Variants in SLC24A3 observed in about 807,000 individuals in gnomAD.
SLC24A3 encodes the protein solute carrier family 24 member 3.
In SLC24A3, 28 loss-of-function variants were observed where a neutral mutation model predicts 75.8. The ratio of observed to expected loss-of-function variants is 0.37; its 90% confidence interval spans 0.27 to 0.51. The LOEUF is 0.51. Among genes scored for constraint, SLC24A3 ranks in the 20% least tolerant of loss-of-function variants. SLC24A3 has a pLI of 0.94. For missense variants in SLC24A3, 663 were observed against 847.8 expected, an observed-to-expected ratio of 0.78 and a Z score of 2.71; for synonymous variants, 372 against 334.1, an observed-to-expected ratio of 1.11 and a Z score of -1.24.
At chr20:19,696,585 T>C in intron 13 of SLC24A3, 1 of 451,000 alleles carries the variant, frequency 2.2e-6, no homozygotes, top group Admixed American at 3.6e-5. Context: ...TGTTGGAAAG[T>C]TTGGGTCCTA....
chr20:19,637,535 T>C (rs2032016040), intron 6 of SLC24A3, among the ~76,000 whole-genome samples: 1 of 152,208 alleles, frequency 6.6e-6, no homozygotes, highest in African/African-American at 2.4e-5. Flanking sequence ...CATACAAAAA[T>C]ATTATGTTCC....
intron 12 of SLC24A3, among the ~76,000 whole-genome samples, chr20:19,691,017 C>A (rs568975291): frequency 7.2e-5 from 11 of 152,100 alleles, no homozygotes; most frequent in African/African-American, 2.7e-4. Context: ...ACTGAAAATG[C>A]AATATAAGCC....
intron 2 of SLC24A3, among the ~76,000 whole-genome samples, chr20:19,490,708 AC>A (rs1230541469): frequency 1.3e-5 from 2 of 152,180 alleles, no homozygotes; most frequent in Non-Finnish European, 2.9e-5. Flanking sequence ...CCTCAGACCC[AC>A]CTTCCTGAGG....
At chr20:19,622,216 G>A (rs558125834) in intron 6 of SLC24A3, among the ~76,000 whole-genome samples, 1 of 152,342 alleles carries the variant, frequency 6.6e-6, no homozygotes, top group South Asian at 2.1e-4. Context: ...AAAGAAACTG[G>A]AGCTGGGTTC....
chr20:19,494,869 G>C (rs558927602), intron 2 of SLC24A3, among the ~76,000 whole-genome samples: 1 of 152,342 alleles, frequency 6.6e-6, no homozygotes, highest in East Asian at 1.9e-4. Context: ...AACTGAAGAG[G>C]TTGTCTCGGG....
chr20:19,570,105 G>T (rs1005439041), intron 3 of SLC24A3, among the ~76,000 whole-genome samples: 1 of 152,162 alleles, frequency 6.6e-6, no homozygotes, highest in Non-Finnish European at 1.5e-5. Flanking sequence ...TCTGTGAGTT[G>T]TACAAGCTTC....
chr20:19,716,088 C>T (rs2033042757), intron 15 of SLC24A3, among the ~76,000 whole-genome samples: 1 of 152,162 alleles, frequency 6.6e-6, no homozygotes, highest in African/African-American at 2.4e-5. Context: ...ATTCTTGGGC[C>T]CTGCCCCAGG....
intron 11 of SLC24A3, among the ~76,000 whole-genome samples, 172 bp from the exon 12 acceptor site, chr20:19,684,928 G>A (rs1213581906): frequency 1.3e-5 from 2 of 152,186 alleles, no homozygotes; most frequent in African/African-American, 4.8e-5. Context: ...CCTCCCAGAT[G>A]GAAGTTGTCT....
At chr20:19,243,884 C>T (rs912264836) in intron 1 of SLC24A3, 4 of 152,208 alleles carry the variant, frequency 2.6e-5, no homozygotes, top group African/African-American at 4.8e-5. Context: ...CACCTTGATT[C>T]AGATGACTAT....
At chr20:19,657,254 A>G (rs2032276613) in intron 7 of SLC24A3, among the ~76,000 whole-genome samples, 1 of 152,202 alleles carries the variant, frequency 6.6e-6, no homozygotes, top group Non-Finnish European at 1.5e-5. Flanking sequence ...CCTCAAGGTT[A>G]GGTCTTGGTT....
intron 2 of SLC24A3, among the ~76,000 whole-genome samples, chr20:19,349,791 C>T (rs145036117): frequency 3.9e-4 from 60 of 152,330 alleles, no homozygotes; most frequent in African/African-American, 1.3e-3. Flanking sequence ...TTCTGAGGAA[C>T]CCAAATTCAG....
chr20:19,263,514 G>A lies in SLC24A3; in HGVS notation c.143-17445G>A, dbSNP rs182557958. Reference sequence around the variant, plus strand: ...CACTAGGGATGAGAGTGAGAGAGGCGTTGCTCTCTGGCTGAAATATGCAAA... The same window carrying A: ...CACTAGGGATGAGAGTGAGAGAGGCATTGCTCTCTGGCTGAAATATGCAAA... On this transcript the variant is annotated intron_variant, in intron 1 of 16. Coordinates refer to ENST00000328041, the MANE Select transcript of SLC24A3 (RefSeq NM_020689.4). Among the ~76,000 whole-genome samples, 19 of 152,296 alleles carry A rather than the reference G, an allele frequency of 1.2e-4. No homozygotes were observed. In the East Asian group the frequency reaches 2.9e-3, roughly 23 times the overall value.
intron 10 of SLC24A3, 131 bp downstream of exon 10, chr20:19,682,122 G>A: frequency 1.9e-6 from 2 of 1,038,598 alleles, no homozygotes; most frequent in Non-Finnish European, 1.4e-6. Flanking sequence ...AGGAGTGGTG[G>A]CCCAAGCCTG....
intron 2 of SLC24A3, among the ~76,000 whole-genome samples, chr20:19,351,280 C>T (rs1985559300): frequency 1.3e-5 from 2 of 152,206 alleles, no homozygotes; most frequent in South Asian, 4.1e-4. Context: ...ATCTCCCACT[C>T]CTAAATACTT....
rs182000694 is a variant in SLC24A3, at chr20:19,475,459, A to C, written c.272-40029A>C. 1.3e-4 allele frequency among the ~76,000 whole-genome samples: 20 copies of C among 152,354 alleles called. No homozygotes were observed. The East Asian group carries it at 3.5e-3, about 26-fold the overall frequency. ...TACAAAGATAACTGCTATTATTTGC[A>C]GATAATATGATAGACCTAGAAAATC... On this transcript the variant is annotated intron_variant, in intron 2 of 16. Transcript: ENST00000328041.
In SLC24A3 at chr20:19,612,607, A is replaced by AGTGTGTGTGTGTGTGTGT. The variant is rs71198018; in HGVS notation, c.612+27080_612+27097dup. Among the ~76,000 whole-genome samples, 406 of 146,934 alleles carry AGTGTGTGTGTGTGTGTGT rather than the reference A, an allele frequency of 2.8e-3. 2 individuals carry two copies. Among genetic ancestry groups the AGTGTGTGTGTGTGTGTGT allele is most frequent in the East Asian group, 5.7e-3 (28 of 4,924 alleles). On this transcript the variant is annotated intron_variant, in intron 6 of 16. Transcript: ENST00000328041. The stretch of plus-strand genomic sequence containing the variant: ...ATAAAACTCAAGAACCCTTAAGAAA[A>AGTGTGTGTGTGTGTGTGT]GTGTGTGTGTGTGTGTGTGTGTGTG...
intron 1 of SLC24A3, among the ~76,000 whole-genome samples, chr20:19,235,443 C>T (rs1295427233): frequency 6.6e-6 from 1 of 151,990 alleles, no homozygotes; most frequent in African/African-American, 2.4e-5. Flanking sequence ...GACTTACCTC[C>T]TACACTAGGG....
At chr20:19,225,906 A>G (rs1981856227) in intron 1 of SLC24A3, among the ~76,000 whole-genome samples, 1 of 152,172 alleles carries the variant, frequency 6.6e-6, no homozygotes. Flanking sequence ...ACTCAGATCC[A>G]GGGTTTGTAA....
chr20:19,660,949 A>T lies in SLC24A3; in HGVS notation c.688-4915A>T, dbSNP rs540522383. Among the ~76,000 whole-genome samples, 7 of 152,284 alleles carry T rather than the reference A, an allele frequency of 4.6e-5. No individual in the cohort carries two copies. The East Asian group carries it at 1.3e-3, about 29-fold the overall frequency. ...TTTTGTAATCCCTGCTGTCAACAGG[A>T]GGAAGGAAAGTCCTGCTTTAATGAC... is the stretch of plus-strand genomic sequence containing the variant. On this transcript the variant is annotated intron_variant, in intron 7 of 16. Transcript: ENST00000328041.
Sources: allele counts gnomAD v4.1 joint callset (sites outside exome capture counted in the v4.1 genomes callset), GRCh38; gene constraint gnomAD v4.1.1; transcripts MANE v1.5; gene names NCBI Gene and HGNC (gene_info 2026-07-23, HGNC 2026-07-21).